Variants in RAB2B observed in about 807,000 individuals in gnomAD.
RAB2B encodes the protein RAB2B, member RAS oncogene family.
A neutral mutation model predicts 29.8 loss-of-function variants in RAB2B; 20 were observed. The ratio of observed to expected loss-of-function variants is 0.67; its 90% CI spans 0.47 to 0.97. The LOEUF (loss-of-function observed/expected upper bound fraction) is 0.97, where lower values mean the gene tolerates loss of function less well. Among genes scored for constraint, RAB2B ranks in the 50% least tolerant of loss-of-function variants. RAB2B has a pLI of 0.00. For missense variants in RAB2B, 218 were observed against 272.0 expected, an observed-to-expected ratio of 0.80 and a Z score of 1.40; for synonymous variants, 93 against 91.7, an observed-to-expected ratio of 1.01 and a Z score of -0.08.
chr14:21,465,001 AAAAAAAACAAAACC>A (rs1226566229), intron 5 of RAB2B, among the ~76,000 whole-genome samples: 1 of 152,004 alleles, frequency 6.6e-6, no homozygotes, highest in East Asian at 1.9e-4. Flanking sequence ...CTTGTCGCAA[AAAAAAAACAAAACC>A]AAAAAAACAA....
At chr14:21,464,018 G>T (rs1890630310) in intron 5 of RAB2B, among the ~76,000 whole-genome samples, 1 of 152,128 alleles carries the variant, frequency 6.6e-6, no homozygotes, top group Admixed American at 6.5e-5. Flanking sequence ...GCTTATCAAG[G>T]GTTAGGCAAG....
chr14:21,461,136 C>T lies in RAB2B; in HGVS notation c.*60G>A, dbSNP rs1890544486. 5.9e-6 allele frequency: 7 copies of T among 1,179,574 alleles called. No homozygotes were observed. The highest frequency in any genetic ancestry group is 1.2e-6 in the Non-Finnish European group (1 of 809,938). The allele number at this position is 1,179,574 out of a possible 1,614,324, so 73.1% of individuals were successfully genotyped here. A position where few individuals can be genotyped will look rare whatever the true frequency, so the allele number is the denominator to read the frequency against. On this transcript the variant is annotated 3_prime_UTR_variant, in exon 8 of 8. Coordinates refer to ENST00000397762, the MANE Select transcript of RAB2B (RefSeq NM_032846.4). ...CAGCCAAAGCAAGAAAGACCTCTTTCATTAAGCCTATTGATCTGAAGCTAT... is the reference window on the plus strand; with the variant it reads ...CAGCCAAAGCAAGAAAGACCTCTTTTATTAAGCCTATTGATCTGAAGCTAT...
intron 3 of RAB2B, among the ~76,000 whole-genome samples, chr14:21,471,542 G>A (rs533051290): frequency 1.6e-4 from 25 of 151,678 alleles, no homozygotes; most frequent in Non-Finnish European, 3.2e-4. Context: ...TAGTTGAGCC[G>A]GGGAGGTTGA....
Position 21,476,858 on chromosome 14 carries a change from A to C in RAB2B, c.15T>G (p.Tyr5Ter). 1 of 1,613,440 alleles carries C rather than the reference A, an allele frequency of 6.2e-7. No individual in the cohort carries two copies. Among genetic ancestry groups the C allele is most frequent in the Non-Finnish European group, 8.5e-7 (1 of 1,180,008 alleles). The change falls in exon 1 of 8, where the codon TAT becomes TAG. Residue 5 changes from tyrosine (Y) to a stop codon, truncating the protein, a stop_gained. Coordinates refer to ENST00000397762, the MANE Select transcript of RAB2B (RefSeq NM_032846.4). LOFTEE classifies it high-confidence loss of function. The part of the protein sequence containing the change: MTYA[Y>*]LFKYIIIGDT... Reference sequence around the variant, plus strand: ...CTCCGATGATGATATACTTGAAGAGATAAGCATAAGTCATGGTGTCGCGTC... The same window carrying C: ...CTCCGATGATGATATACTTGAAGAGCTAAGCATAAGTCATGGTGTCGCGTC...
chr14:21,460,585 C>CAAAAAAAAAA lies in RAB2B; in HGVS notation c.*610_*611insTTTTTTTTTT, dbSNP rs1409022198. 1.1e-5 allele frequency: 1 copy of CAAAAAAAAAA among 92,954 alleles called. No individual in the cohort carries two copies. Among genetic ancestry groups the CAAAAAAAAAA allele is most frequent in the African/African-American group, 4.3e-5 (1 of 23,106 alleles). 5.8% of individuals were successfully genotyped at this position (92,954 alleles called of 1,614,324 possible). A position where few individuals can be genotyped will look rare whatever the true frequency, so the allele number is the denominator to read the frequency against. On this transcript the variant is annotated 3_prime_UTR_variant, in exon 8 of 8. Transcript: ENST00000397762. ...GGAGACAGAGTGAGACTCCATCCCC[C>CAAAAAAAAAA]CAAAAAAAAAAAAAAAAAAAGAAAA...
At chr14:21,473,388 G>GA (rs1890867177) in intron 3 of RAB2B, among the ~76,000 whole-genome samples, 1 of 152,088 alleles carries the variant, frequency 6.6e-6, no homozygotes, top group Non-Finnish European at 1.5e-5. Flanking sequence ...TACTTAGGGG[G>GA]AAAAATGTAC....
intron 3 of RAB2B, among the ~76,000 whole-genome samples, chr14:21,471,215 A>G (rs1489619517): frequency 1.3e-5 from 2 of 151,460 alleles, no homozygotes; most frequent in East Asian, 3.9e-4. Flanking sequence ...ATCTCATTCC[A>G]GTTCATGAGC....
At position 21,461,907 on chromosome 14, in the gene RAB2B, T is replaced by C. The variant is rs143491476; in HGVS notation, c.543+443A>G. ...TTTAAGGGACAATGTTATACTTAAA[T>C]GTCATAGCTACGTGCAGAATCAGGG... On this transcript the variant is annotated intron_variant, in intron 7 of 7. Transcript: ENST00000397762. Among the ~76,000 whole-genome samples, 695 of 152,324 alleles carry C rather than the reference T, an allele frequency of 4.6e-3. 7 individuals carry two copies. The highest frequency in any genetic ancestry group is 0.016 in the African/African-American group (650 of 41,568).
chr14:21,462,965 T>C (rs1181873868), intron 6 of RAB2B, among the ~76,000 whole-genome samples: 1 of 151,904 alleles, frequency 6.6e-6, no homozygotes, highest in African/African-American at 2.4e-5. Context: ...TGACCCAAGA[T>C]GTTCCTAGGC....
chr14:21,476,622 G>T (rs200880294), intron 1 of RAB2B, 23 bp from the exon 2 acceptor site: 1 of 1,613,598 alleles, frequency 6.2e-7, no homozygotes. Context: ...GCACACTCCC[G>T]GAATCACGCA....
chr14:21,476,266 T>C (rs918700749), intron 2 of RAB2B: 5 of 417,472 alleles, frequency 1.2e-5, no homozygotes, highest in Admixed American at 3.9e-5. Flanking sequence ...TCCATAAACA[T>C]ACAAATTGTA....
At chr14:21,469,848 T>C (rs1890764846) in intron 3 of RAB2B, among the ~76,000 whole-genome samples, 2 of 152,180 alleles carry the variant, frequency 1.3e-5, no homozygotes, top group Non-Finnish European at 2.9e-5. Flanking sequence ...TATAAACTAC[T>C]TTTTGGCATA....
At chr14:21,474,205 C>T (rs1030043031) in intron 3 of RAB2B, among the ~76,000 whole-genome samples, 1 of 152,012 alleles carries the variant, frequency 6.6e-6, no homozygotes, top group Non-Finnish European at 1.5e-5. Flanking sequence ...AAAAAGAATG[C>T]TCAGTGAAAT....
chr14:21,466,379 C>T (rs189420182), intron 5 of RAB2B, among the ~76,000 whole-genome samples: 5 of 152,216 alleles, frequency 3.3e-5, no homozygotes, highest in African/African-American at 9.6e-5. Flanking sequence ...CCCAGCTACT[C>T]GGGAGACTGA....
chr14:21,461,220 T>C lies in RAB2B; in HGVS notation c.627A>G (p.Ile209Met), dbSNP rs1890547540. The C allele has an allele frequency of 6.2e-7, 1 of 1,613,396 alleles. No individual in the cohort carries two copies. The highest frequency in any genetic ancestry group is 1.7e-5 in the Admixed American group (1 of 59,944). Residue 209 changes from isoleucine to methionine, a missense_variant, in exon 8 of 8, where the codon ATA (isoleucine) becomes ATG (methionine). Ile to Met is a conservative substitution (Grantham distance 10). Transcript: ENST00000397762. ...TTCAGCAGCAGCCAGAGTTGGACCC[T>C]ATGTCACGAGAGTTCCGCTGGGAGG... ...PSASQRNSRDIGSNSGCC is the reference protein window; with the variant it reads ...PSASQRNSRDMGSNSGCC
chr14:21,476,743 A>ACAAAGTGAGCCCCGCC (rs1447264243), intron 1 of RAB2B, 84 bp downstream of exon 1: 1 of 979,512 alleles, frequency 1.0e-6, no homozygotes. Context: ...CGCCCAGCCC[A>ACAAAGTGAGCCCCGCC]CAAAGTGAGC....
chr14:21,463,244 C>G (rs1338044483), intron 6 of RAB2B, among the ~76,000 whole-genome samples: 2 of 63,976 alleles, frequency 3.1e-5, no homozygotes, highest in Non-Finnish European at 5.7e-5. Flanking sequence ...AGAAGACATT[C>G]TTTCTTTTTT....
intron 3 of RAB2B, among the ~76,000 whole-genome samples, chr14:21,471,462 C>A (rs7157563): frequency 6.6e-6 from 1 of 151,450 alleles, no homozygotes; most frequent in Non-Finnish European, 1.5e-5. Context: ...AAAAAAAATA[C>A]AAAAAATTAG....
intron 5 of RAB2B, among the ~76,000 whole-genome samples, chr14:21,466,926 A>T (rs1012331848): frequency 2.7e-4 from 41 of 149,944 alleles, no homozygotes; most frequent in Admixed American, 2.7e-4. Flanking sequence ...TTTTTTTTTG[A>T]GACAAAGTCT....
Sources: allele counts gnomAD v4.1 joint callset (sites outside exome capture counted in the v4.1 genomes callset), GRCh38; gene constraint gnomAD v4.1.1; transcripts MANE v1.5; gene names NCBI Gene and HGNC (gene_info 2026-07-23, HGNC 2026-07-21).